PPP3CA: variants seen among roughly 807,000 people sequenced by gnomAD.
The protein encoded by PPP3CA is protein phosphatase 3 catalytic subunit alpha.
A neutral mutation model predicts 66.5 loss-of-function variants in PPP3CA; 14 were observed. The observed-to-expected ratio is 0.21, with a 90% CI of 0.14 to 0.33. The LOEUF is 0.33. Among genes scored for constraint, PPP3CA ranks in the 10% least tolerant of loss-of-function variants. The pLI is 1.00. For synonymous variants in PPP3CA, 232 were observed against 226.2 expected, an observed-to-expected ratio of 1.03 and a Z score of -0.23; for missense variants, 317 against 639.5, an observed-to-expected ratio of 0.50 and a Z score of 5.44.
intron 3 of PPP3CA, 67 bp downstream of exon 3, chr4:101,108,887 G>A: frequency 6.7e-7 from 1 of 1,498,940 alleles, no homozygotes; most frequent in African/African-American, 1.4e-5. Flanking sequence ...AACATTTACT[G>A]CTTTTATTTT....
intron 8 of PPP3CA, 97 bp downstream of exon 8, chr4:101,080,435 G>C (rs1407669125): frequency 3.7e-6 from 2 of 537,592 alleles, no homozygotes; most frequent in Non-Finnish European, 5.8e-6. Context: ...TAAAAAAAAA[G>C]ACTGGTTAAA....
chr4:101,183,167 G>T (rs1465117316), intron 2 of PPP3CA, among the ~76,000 whole-genome samples: 5 of 152,134 alleles, frequency 3.3e-5, no homozygotes, highest in Non-Finnish European at 7.4e-5. Context: ...AACATGGCTT[G>T]TACACAATGT....
At chr4:101,194,323 C>G (rs760494510) in intron 2 of PPP3CA, among the ~76,000 whole-genome samples, 1 of 152,128 alleles carries the variant, frequency 6.6e-6, no homozygotes, top group Non-Finnish European at 1.5e-5. Context: ...TCTTTCTTAA[C>G]AGTCAAATTC....
chr4:101,269,553 CGTGTGTGTGT>C (rs55721209), intron 1 of PPP3CA, among the ~76,000 whole-genome samples: 146 of 135,978 alleles, frequency 1.1e-3, no homozygotes, highest in Non-Finnish European at 1.4e-3. Flanking sequence ...AAACAAGGAA[CGTGTGTGTGT>C]GTGTGTGTGT....
intron 8 of PPP3CA, among the ~76,000 whole-genome samples, chr4:101,077,988 C>G (rs929983501): frequency 2.0e-5 from 3 of 151,958 alleles, no homozygotes; most frequent in African/African-American, 7.3e-5. Context: ...GGAGTAAAAT[C>G]CCAATTTTTA....
intron 3 of PPP3CA, among the ~76,000 whole-genome samples, chr4:101,100,939 A>C (rs1046414647): frequency 6.6e-6 from 1 of 152,140 alleles, no homozygotes; most frequent in African/African-American, 2.4e-5. Flanking sequence ...TAATTTATGA[A>C]ATGAGTGAGA....
intron 2 of PPP3CA, among the ~76,000 whole-genome samples, chr4:101,182,357 G>C (rs1165477681): frequency 6.6e-6 from 1 of 152,104 alleles, no homozygotes; most frequent in Non-Finnish European, 1.5e-5. Flanking sequence ...AATGCACTGG[G>C]AACTAGGGGA....
rs1728727797 is a variant in PPP3CA, at chr4:101,311,712, G to A, written c.58+35027C>T. The stretch of plus-strand genomic sequence containing the variant: ...GGAGAATAGCTTGAACCCAGGAGGT[G>A]GAAGTTGCAGTGATCTGAGATCGTG... On this transcript the variant is annotated intron_variant, in intron 1 of 13. Coordinates refer to ENST00000394854, the MANE Select transcript of PPP3CA (RefSeq NM_000944.5). Among the ~76,000 whole-genome samples the A allele has an allele frequency of 1.3e-5, 2 of 152,126 alleles. 1 individual carries two copies. Among genetic ancestry groups the A allele is most frequent in the South Asian group, 4.1e-4 (2 of 4,826 alleles).
chr4:101,124,797 A>AAGAG (rs145677516), intron 2 of PPP3CA, among the ~76,000 whole-genome samples: 8 of 101,292 alleles, frequency 7.9e-5, no homozygotes, highest in African/African-American at 3.8e-4. Flanking sequence ...GAAAGAAAGA[A>AAGAG]AGAGAAAACT....
intron 4 of PPP3CA, 130 bp downstream of exon 4, chr4:101,099,481 A>G: frequency 2.2e-6 from 1 of 447,344 alleles, no homozygotes; most frequent in Non-Finnish European, 3.9e-6. Context: ...GAAATATAGG[A>G]TAATATGAAA....
chr4:101,293,772 G>GA (rs1728105496), intron 1 of PPP3CA, among the ~76,000 whole-genome samples: 1 of 152,206 alleles, frequency 6.6e-6, no homozygotes, highest in South Asian at 2.1e-4. Context: ...GGTCTCAGCT[G>GA]AACCATGTGA....
chr4:101,240,346 T>C (rs1196793079), intron 1 of PPP3CA, among the ~76,000 whole-genome samples: 1 of 152,098 alleles, frequency 6.6e-6, no homozygotes, highest in Admixed American at 6.6e-5. Context: ...TGGAGGCTCT[T>C]TGCAATGAAT....
At chr4:101,206,472 T>A (rs1007623259) in intron 1 of PPP3CA, among the ~76,000 whole-genome samples, 1 of 152,214 alleles carries the variant, frequency 6.6e-6, no homozygotes, top group African/African-American at 2.4e-5. Context: ...TCTTGGGAGA[T>A]AATTTGCATC....
intron 13 of PPP3CA, among the ~76,000 whole-genome samples, chr4:101,026,794 C>T (rs1432395562): frequency 6.6e-6 from 1 of 151,560 alleles, no homozygotes; most frequent in Non-Finnish European, 1.5e-5. Context: ...CAGCAGTGAA[C>T]AGGTCAAACT....
In PPP3CA at chr4:101,277,998, A is replaced by G. The variant is rs79143708; in HGVS notation, c.58+68741T>C. Among the ~76,000 whole-genome samples, 305 of 152,122 alleles carry G rather than the reference A, an allele frequency of 2.0e-3. 1 individual carries two copies. The highest frequency in any genetic ancestry group is 7.0e-3 in the African/African-American group (292 of 41,494). On this transcript the variant is annotated intron_variant, in intron 1 of 13. Coordinates refer to ENST00000394854, the MANE Select transcript of PPP3CA (RefSeq NM_000944.5). ...TTTCTTAAAGCCTATATAAAACCAG[A>G]TATGTTTTTCCCAGTTCACAACATT...
intron 1 of PPP3CA, among the ~76,000 whole-genome samples, chr4:101,327,182 C>T (rs1037691533): frequency 4.6e-5 from 7 of 152,166 alleles, no homozygotes; most frequent in African/African-American, 1.7e-4. Context: ...AATTTACGCA[C>T]ATTTCCATTT....
At chr4:101,181,239 C>G (rs1251641567) in intron 2 of PPP3CA, among the ~76,000 whole-genome samples, 1 of 151,792 alleles carries the variant, frequency 6.6e-6, no homozygotes, top group African/African-American at 2.4e-5. Flanking sequence ...AAATAACATA[C>G]TAAGTATCTC....
chr4:101,300,483 TTTAAA>T, intron 1 of PPP3CA, among the ~76,000 whole-genome samples: 1 of 152,294 alleles, frequency 6.6e-6, no homozygotes, highest in South Asian at 2.1e-4. Flanking sequence ...GTTTTAATGT[TTTAAA>T]TTAATTTTAA....
At chr4:101,124,737 A>AG (rs1722174570) in intron 2 of PPP3CA, among the ~76,000 whole-genome samples, 4 of 73,970 alleles carry the variant, frequency 5.4e-5, no homozygotes, top group African/African-American at 1.8e-4. Context: ...GAAAGAAAGA[A>AG]AGAAAGAAAG....
Sources: allele counts gnomAD v4.1 joint callset (sites outside exome capture counted in the v4.1 genomes callset), GRCh38; gene constraint gnomAD v4.1.1; transcripts MANE v1.5; gene names NCBI Gene and HGNC (gene_info 2026-07-23, HGNC 2026-07-21).